Variants in SWT1 observed in about 807,000 individuals in gnomAD.
SWT1 encodes the protein transcriptional protein SWT1.
A neutral mutation model predicts 107.3 loss-of-function variants in SWT1; 33 were observed. That is an observed-to-expected ratio of 0.31 (90% CI 0.23 to 0.41). SWT1 has a LOEUF of 0.41. SWT1 is among the 10% of genes least tolerant of loss of function. The pLI, the probability that SWT1 is intolerant of heterozygous loss-of-function variation, is 1.00. For missense variants in SWT1, 898 were observed against 1,028.9 expected (o/e 0.87, Z 1.74); for synonymous variants, 345 against 348.3 (o/e 0.99, Z 0.11).
intron 16 of SWT1, among the ~76,000 whole-genome samples, chr1:185,232,333 T>C (rs1422731304): frequency 6.6e-6 from 1 of 152,206 alleles, no homozygotes; most frequent in Admixed American, 6.5e-5. Flanking sequence ...TGATTTTAGC[T>C]GTGTAAAAAC....
intron 9 of SWT1, among the ~76,000 whole-genome samples, chr1:185,189,389 C>T (rs1344180951): frequency 1.3e-5 from 2 of 152,144 alleles, no homozygotes; most frequent in Non-Finnish European, 2.9e-5. Flanking sequence ...GGAATTACTT[C>T]TTGTGTTACC....
rs1292237182 is a variant in SWT1, at chr1:185,157,324, G to C, written c.-10+10G>C. On this transcript the variant is annotated intron_variant, in intron 1 of 18. Transcript: ENST00000367500. ...CGCCGGCGCTGGTAAGGTAGGAACT[G>C]CGGGGTGCGTTGACGTTTTGCTGGG... The C allele has an allele frequency of 1.3e-5, 2 of 152,914 alleles. No individual in the cohort carries two copies. Among genetic ancestry groups the C allele is most frequent in the East Asian group, 3.9e-4 (2 of 5,190 alleles). The allele number at this position is 152,914 out of a possible 1,614,324, so 9.5% of individuals were successfully genotyped here. A position where few individuals can be genotyped will look rare whatever the true frequency, so the allele number is the denominator to read the frequency against.
intron 16 of SWT1, among the ~76,000 whole-genome samples, chr1:185,239,628 T>G (rs2102602670): frequency 6.6e-6 from 1 of 152,228 alleles, no homozygotes; most frequent in East Asian, 1.9e-4. Flanking sequence ...CTTTTATATG[T>G]ATACAGGATT....
chr1:185,230,550 A>G (rs2102566030), intron 15 of SWT1, among the ~76,000 whole-genome samples: 1 of 152,282 alleles, frequency 6.6e-6, no homozygotes, highest in South Asian at 2.1e-4. Context: ...CCCTGTTTCA[A>G]ATAAGGTAAC....
chr1:185,212,290 G>T (rs1014375355), intron 13 of SWT1, among the ~76,000 whole-genome samples: 1 of 152,124 alleles, frequency 6.6e-6, no homozygotes, highest in African/African-American at 2.4e-5. Context: ...TCTTTTAAAA[G>T]AGAAAGTCCG....
intron 18 of SWT1, among the ~76,000 whole-genome samples, chr1:185,283,233 A>G (rs565674121): frequency 1.3e-5 from 2 of 152,316 alleles, no homozygotes; most frequent in East Asian, 3.9e-4. Context: ...TGAATTCCAT[A>G]AGACACAGAA....
At chr1:185,261,750 T>C (rs1473951495) in intron 16 of SWT1, among the ~76,000 whole-genome samples, 10 of 152,190 alleles carry the variant, frequency 6.6e-5, no homozygotes, top group Admixed American at 6.5e-4. Context: ...GTCCTGTTTT[T>C]ATTAAAAGTC....
intron 3 of SWT1, among the ~76,000 whole-genome samples, chr1:185,167,787 T>C (rs1349313990): frequency 6.6e-6 from 1 of 152,202 alleles, no homozygotes; most frequent in Non-Finnish European, 1.5e-5. Flanking sequence ...GAATGCCTTC[T>C]TTTACTCGTC....
chr1:185,256,857 C>T (rs972917800), intron 16 of SWT1, among the ~76,000 whole-genome samples: 1 of 152,188 alleles, frequency 6.6e-6, no homozygotes, highest in African/African-American at 2.4e-5. Context: ...GAGAGGTGCT[C>T]TGCTTTTTAG....
At chr1:185,290,377 G>C (rs1261849069) in intron 18 of SWT1, among the ~76,000 whole-genome samples, 4 of 152,100 alleles carry the variant, frequency 2.6e-5, no homozygotes, top group African/African-American at 9.7e-5. Context: ...AAGAGTTCGA[G>C]GCCAGCCTGG....
chr1:185,277,367 C>G (rs1455639735), intron 18 of SWT1, among the ~76,000 whole-genome samples: 1 of 152,080 alleles, frequency 6.6e-6, no homozygotes, highest in East Asian at 1.9e-4. Context: ...TGGCTCATTG[C>G]AACCTCTGCC....
At chr1:185,258,440 T>C (rs1313070475) in intron 16 of SWT1, among the ~76,000 whole-genome samples, 3 of 152,186 alleles carry the variant, frequency 2.0e-5, no homozygotes, top group Non-Finnish European at 4.4e-5. Context: ...TTTCCATTGC[T>C]TCCTTCATTT....
chr1:185,184,898 G>A lies in SWT1; in HGVS notation c.1396G>A (p.Gly466Ser). The A allele has an allele frequency of 6.6e-7, 1 of 1,517,734 alleles. No homozygotes were observed. The highest frequency in any genetic ancestry group is 2.4e-5 in the East Asian group (1 of 41,378). The allele number at this position is 1,517,734 out of a possible 1,614,324, so 94.0% of individuals were successfully genotyped here. Residue 466 changes from glycine to serine, a missense_variant, in exon 9 of 19, where the codon GGT becomes AGT. Gly to Ser is a moderately conservative substitution (Grantham distance 56). Coordinates refer to ENST00000367500, the MANE Select transcript of SWT1 (RefSeq NM_017673.7). ...SLKNQDRKLW[G>S]QSIQLASQKH... ...CAAAAATCAAGATAGAAAGCTATGG[G>A]GTCAGTCAATACAACTTGCATCCCA...
rs538006182 is a variant in SWT1, at chr1:185,257,641, G to A, written c.2442-13682G>A. 9.2e-5 allele frequency among the ~76,000 whole-genome samples: 14 copies of A among 152,288 alleles called. No individual in the cohort carries two copies. In the South Asian group the frequency reaches 1.0e-3, roughly 11 times the overall value. On this transcript the variant is annotated intron_variant, in intron 16 of 18. Coordinates refer to ENST00000367500, the MANE Select transcript of SWT1 (RefSeq NM_017673.7). ...GCAATGCCTCGCCCTGCTTCGGCTC[G>A]CACATGGTGCGCGCACCCACTGACC...
At chr1:185,190,126 G>T (rs2102406376) in intron 9 of SWT1, among the ~76,000 whole-genome samples, 1 of 152,304 alleles carries the variant, frequency 6.6e-6, no homozygotes, top group East Asian at 1.9e-4. Flanking sequence ...GGGATTACAG[G>T]CGTGAGCCAC....
chr1:185,226,996 T>C (rs1272868407), intron 15 of SWT1: 44 of 878,410 alleles, frequency 5.0e-5, no homozygotes, highest in Non-Finnish European at 8.4e-5. Flanking sequence ...TCCTCCATCA[T>C]GTCTGGAGTT....
At chr1:185,185,140 T>C (rs565428168) in intron 9 of SWT1, among the ~76,000 whole-genome samples, 3 of 152,352 alleles carry the variant, frequency 2.0e-5, no homozygotes, top group Non-Finnish European at 4.4e-5. Context: ...TATGTCTATA[T>C]TTCACAGATA....
In SWT1 at chr1:185,173,647, T is replaced by C. The variant is rs554925192; in HGVS notation, c.225-725T>C. On this transcript the variant is annotated intron_variant, in intron 4 of 18. Transcript: ENST00000367500. ...TCTCTTGAGCCTGATATGTTGAGTT[T>C]GGAGTGAGCCAAGATCGCGCCACTG... is the stretch of plus-strand genomic sequence containing the variant. 2.6e-5 allele frequency among the ~76,000 whole-genome samples: 4 copies of C among 151,954 alleles called. No individual in the cohort carries two copies. The East Asian group carries it at 7.7e-4, about 29-fold the overall frequency.
chr1:185,225,286 C>T lies in SWT1; in HGVS notation c.2309+3250C>T, dbSNP rs1042517919. ...ATGGATCCCACTTGATCATAGTGAA[C>T]TTTTAAATGTGTGGTTGGATTCAGT... On this transcript the variant is annotated intron_variant, in intron 15 of 18. Coordinates refer to ENST00000367500, the MANE Select transcript of SWT1 (RefSeq NM_017673.7). Among the ~76,000 whole-genome samples, 5 of 152,036 alleles carry T rather than the reference C, an allele frequency of 3.3e-5. No homozygotes were observed. In the East Asian group the frequency reaches 7.7e-4, roughly 23 times the overall value.
Sources: allele counts gnomAD v4.1 joint callset (sites outside exome capture counted in the v4.1 genomes callset), GRCh38; gene constraint gnomAD v4.1.1; transcripts MANE v1.5; gene names NCBI Gene and HGNC (gene_info 2026-07-23, HGNC 2026-07-21).